Variants in AIMP2 observed in about 807,000 individuals in gnomAD.
AIMP2 encodes aminoacyl tRNA synthase complex-interacting multifunctional protein 2.
Under a neutral mutation model 23.4 loss-of-function variants are expected in AIMP2, and 20 were observed. That is an observed-to-expected ratio of 0.85 (90% CI 0.60 to 1.24). The LOEUF is 1.24. Ranked by LOEUF, AIMP2 falls within the 50% of genes most tolerant of loss-of-function variation. The pLI, the probability that AIMP2 is intolerant of heterozygous loss-of-function variation, is 0.00. For missense variants in AIMP2, 515 were observed against 414.5 expected (o/e 1.24, Z -2.10); for synonymous variants, 210 against 170.4 (o/e 1.23, Z -1.81).
rs1377214267 is a variant in AIMP2 at position 6,009,326 on chromosome 7, C to G, written c.-38C>G. 1 of 1,611,626 alleles carries G rather than the reference C, an allele frequency of 6.2e-7. No homozygotes were observed. Among genetic ancestry groups the G allele is most frequent in the Non-Finnish European group, 8.5e-7 (1 of 1,179,952 alleles). ...CCTCTGACGGTTTCTGAGCGTTGGCCTTTGGCACGCGCTACCCCCTTTTGC... is the reference window on the plus strand; with the variant it reads ...CCTCTGACGGTTTCTGAGCGTTGGCGTTTGGCACGCGCTACCCCCTTTTGC... On this transcript the variant is annotated 5_prime_UTR_variant, in exon 1 of 4. Transcript: ENST00000223029.
intron 2 of AIMP2, among the ~76,000 whole-genome samples, 165 bp downstream of exon 2, chr7:6,015,517 G>T (rs1305766541): frequency 6.6e-6 from 1 of 152,158 alleles, no homozygotes; most frequent in Admixed American, 6.5e-5. Context: ...GAGGTCAGGA[G>T]ATCGAGACCA....
At chr7:6,021,294 G>A (rs1043190881) in intron 3 of AIMP2, among the ~76,000 whole-genome samples, 4 of 142,654 alleles carry the variant, frequency 2.8e-5, no homozygotes, top group African/African-American at 7.9e-5. Flanking sequence ...TAGTGAGATC[G>A]CGCCACTGCA....
At chr7:6,013,348 G>A (rs1045715835) in intron 1 of AIMP2, among the ~76,000 whole-genome samples, 7 of 139,984 alleles carry the variant, frequency 5.0e-5, no homozygotes, top group East Asian at 2.2e-4. Context: ...TGCAACCTCC[G>A]CCTCCCGGGT....
Position 6,009,989 on chromosome 7 carries a change from A to ATATATATATATATATATATG in AIMP2, c.135+494_135+495insATATATATATATATATGTAT, listed in dbSNP as rs1259647902. ...AAAAAAAAAAAATATATATATATATATATGTATGTATCTTTCCAGGTCGGG... is the reference window on the plus strand; with the variant it reads ...AAAAAAAAAAAATATATATATATATATATATATATATATATATATGTATGTATGTATCTTTCCAGGTCGGG... On this transcript the variant is annotated intron_variant, in intron 1 of 3. Transcript: ENST00000223029. Among the ~76,000 whole-genome samples, 21 of 108,372 alleles carry ATATATATATATATATATATG rather than the reference A, an allele frequency of 1.9e-4. 1 individual carries two copies. Among genetic ancestry groups the ATATATATATATATATATATG allele is most frequent in the African/African-American group, 4.4e-4 (13 of 29,538 alleles). 71.1% of individuals were successfully genotyped at this position (108,372 alleles called of 152,430 possible). A position where few individuals can be genotyped will look rare whatever the true frequency, so the allele number is the denominator to read the frequency against.
chr7:6,019,114 G>A (rs1400491640), intron 3 of AIMP2, among the ~76,000 whole-genome samples: 5 of 151,696 alleles, frequency 3.3e-5, no homozygotes, highest in East Asian at 1.9e-4. Context: ...TTTCACAGCC[G>A]CCTCCAGCGT....
intron 2 of AIMP2, 68 bp from the exon 3 acceptor site, chr7:6,017,746 G>C (rs1787108858): frequency 2.1e-6 from 3 of 1,417,878 alleles, no homozygotes; most frequent in Non-Finnish European, 2.9e-6. Context: ...TAGGTTCTTA[G>C]ACTCGCGCCC....
intron 3 of AIMP2, among the ~76,000 whole-genome samples, chr7:6,020,757 C>T (rs1787344913): frequency 6.6e-6 from 1 of 152,168 alleles, no homozygotes; most frequent in South Asian, 2.1e-4. Flanking sequence ...CAAAACTGCC[C>T]TAATCTGGGG....
intron 1 of AIMP2, among the ~76,000 whole-genome samples, chr7:6,013,614 G>T (rs1786837833): frequency 6.6e-6 from 1 of 151,968 alleles, no homozygotes; most frequent in Non-Finnish European, 1.5e-5. Context: ...GGTTTGCAGG[G>T]GTGGACTAGA....
In AIMP2 at chr7:6,017,952, G is replaced by C; in HGVS notation, c.481G>C (p.Val161Leu). ...GCACACGCACTCCTCGGTCAAGAGCGTGCCTGAAAACCTTCTCAAGTGCTT... is the reference window on the plus strand; with the variant it reads ...GCACACGCACTCCTCGGTCAAGAGCCTGCCTGAAAACCTTCTCAAGTGCTT... ...TVHTHSSVKS[V>L]PENLLKCFGE... Residue 161 changes from valine (V) to leucine (L), a missense_variant, in exon 3 of 4, where the codon GTG becomes CTG. Physicochemically the swap from Val to Leu is conservative, Grantham distance 32 (BLOSUM62 1). Transcript: ENST00000223029. The C allele has an allele frequency of 1.2e-6, 2 of 1,614,008 alleles. No homozygotes were observed. Among genetic ancestry groups the C allele is most frequent in the Non-Finnish European group, 1.7e-6 (2 of 1,180,024 alleles).
At position 6,009,508 on chromosome 7, in the gene AIMP2, CG is replaced by C. The variant is rs758578324; in HGVS notation, c.135+14del. 2.0e-6 allele frequency: 3 copies of C among 1,502,158 alleles called. No individual in the cohort carries two copies. In the African/African-American group the frequency reaches 4.4e-5, roughly 22 times the overall value. The allele number at this position is 1,502,158 out of a possible 1,614,324, so 93.1% of individuals were successfully genotyped here. A position where few individuals can be genotyped will look rare whatever the true frequency, so the allele number is the denominator to read the frequency against. On this transcript the variant is annotated intron_variant, in intron 1 of 3. Coordinates refer to ENST00000223029, the MANE Select transcript of AIMP2 (RefSeq NM_006303.4). ...CGCTGGCCACGTGCAGGTAGGAGCG[CG>C]GGGCCCCCCGCCCAGTGCGCACGCG...
At chr7:6,013,917 C>T (rs1446138034) in intron 1 of AIMP2, among the ~76,000 whole-genome samples, 1 of 151,446 alleles carries the variant, frequency 6.6e-6, no homozygotes, top group African/African-American at 2.4e-5. Context: ...CACCCCTGCA[C>T]TCCAGCCTGG....
At chr7:6,019,866 A>T (rs149826401) in intron 3 of AIMP2, among the ~76,000 whole-genome samples, 3,575 of 152,030 alleles carry the variant, frequency 0.024, 127 homozygotes, top group African/African-American at 0.08. Flanking sequence ...TACTAAAAAT[A>T]CAAAAATTAG....
intron 2 of AIMP2, among the ~76,000 whole-genome samples, chr7:6,016,701 A>G (rs775050150): frequency 7.9e-5 from 12 of 152,168 alleles, no homozygotes; most frequent in South Asian, 2.1e-4. Context: ...AAGTAATACA[A>G]TATGTTCAGG....
At chr7:6,022,842 A>T (rs919626572) in intron 3 of AIMP2, 5 of 159,630 alleles carry the variant, frequency 3.1e-5, no homozygotes, top group African/African-American at 7.2e-5. Context: ...ATAGGATGTT[A>T]TGTATTGACT....
intron 2 of AIMP2, 70 bp from the exon 3 acceptor site, chr7:6,017,744 T>TA: frequency 7.1e-7 from 1 of 1,410,520 alleles, no homozygotes. Flanking sequence ...GTTAGGTTCT[T>TA]AGACTCGCGC....
chr7:6,015,736 A>G (rs976725379), intron 2 of AIMP2, among the ~76,000 whole-genome samples: 2 of 152,224 alleles, frequency 1.3e-5, no homozygotes, highest in African/African-American at 4.8e-5. Context: ...AACAAAAACA[A>G]AACTAGCTTT....
chr7:6,018,874 G>T (rs899867808), intron 3 of AIMP2, among the ~76,000 whole-genome samples: 1 of 151,650 alleles, frequency 6.6e-6, no homozygotes, highest in Non-Finnish European at 1.5e-5. Flanking sequence ...ACAAGAAAAA[G>T]ATATGAGGCA....
In AIMP2 at chr7:6,015,222, C is replaced by T. The variant is rs770679503; in HGVS notation, c.212C>T (p.Ala71Val). 4 of 1,614,184 alleles carry T rather than the reference C, an allele frequency of 2.5e-6. No individual in the cohort carries two copies. The highest frequency in any genetic ancestry group is 1.3e-5 in the African/African-American group (1 of 75,036). ...DILKRLYELK[A>V]AVDGLSKMIQ... ...TTAAAACGTCTGTATGAGTTGAAAGCTGCAGTTGATGGCCTCTCCAAGATG... is the reference window on the plus strand; with the variant it reads ...TTAAAACGTCTGTATGAGTTGAAAGTTGCAGTTGATGGCCTCTCCAAGATG... Residue 71 changes from alanine (A) to valine (V), a missense_variant, in exon 2 of 4, where the codon GCT becomes GTT. Ala to Val is a moderately conservative substitution (Grantham distance 64). Coordinates refer to ENST00000223029, the MANE Select transcript of AIMP2 (RefSeq NM_006303.4).
chr7:6,019,326 A>C (rs1018889740), intron 3 of AIMP2, among the ~76,000 whole-genome samples: 1 of 141,474 alleles, frequency 7.1e-6, no homozygotes, highest in African/African-American at 3.0e-5. Context: ...AAAAAATACA[A>C]AAAAAAAAAT....
Sources: gnomAD v4.1 joint callset for allele counts (sites outside exome capture counted in the v4.1 genomes callset) on GRCh38, gnomAD v4.1.1 for gene constraint, MANE v1.5 for transcripts, NCBI Gene and HGNC (gene_info 2026-07-23, HGNC 2026-07-21) for gene names.